Variants in FEZ1 observed in about 807,000 individuals in gnomAD.
The protein encoded by FEZ1 is fasciculation and elongation protein zeta-1.
A neutral mutation model predicts 49.3 loss-of-function variants in FEZ1; 20 were observed. That is an observed-to-expected ratio of 0.41 (90% CI 0.29 to 0.59). The LOEUF (loss-of-function observed/expected upper bound fraction) is 0.59. Ranked by LOEUF, FEZ1 falls within the 20% of genes least tolerant of loss-of-function variation. The probability of loss-of-function intolerance (pLI) is 0.36; values close to 1 mark genes in which losing one functional copy is unlikely to be tolerated. For synonymous variants in FEZ1, 170 were observed against 180.9 expected, an observed-to-expected ratio of 0.94 and a Z score of 0.48; for missense variants, 413 against 476.0, an observed-to-expected ratio of 0.87 and a Z score of 1.23.
At chr11:125,483,849 C>T (rs1174211738) in intron 2 of FEZ1, among the ~76,000 whole-genome samples, 2 of 152,206 alleles carry the variant, frequency 1.3e-5, no homozygotes, top group African/African-American at 2.4e-5. Context: ...TATTTACATC[C>T]TTAAAGTGAT....
rs1957356227 is a variant in FEZ1, at chr11:125,489,124, A to AT, written c.311+342dup. 2 of 1,006,606 alleles carry AT rather than the reference A, an allele frequency of 2.0e-6. No homozygotes were observed. The highest frequency in any genetic ancestry group is 1.2e-6 in the Non-Finnish European group (1 of 844,606). The allele number at this position is 1,006,606 out of a possible 1,614,324, so 62.4% of individuals were successfully genotyped here. ...TAGATTCATCCATCATGGTTAATTA[A>AT]TTTTTTCTGGCCTTTATTTCTAATA... On this transcript the variant is annotated intron_variant, in intron 2 of 9. Coordinates refer to ENST00000278919, the MANE Select transcript of FEZ1 (RefSeq NM_005103.5). The surrounding 1 kb of genome is among the most constrained non-coding windows in gnomAD (Gnocchi z 4.2).
chr11:125,488,699 CA>C (rs1957352634), intron 2 of FEZ1: 1 of 982,496 alleles, frequency 1.0e-6, no homozygotes, highest in Admixed American at 6.2e-5. Flanking sequence ...CAAAACAAAA[CA>C]AAACAAAAAA....
intron 1 of FEZ1, among the ~76,000 whole-genome samples, chr11:125,490,710 T>A (rs1486422048): frequency 1.3e-5 from 2 of 151,632 alleles, no homozygotes; most frequent in East Asian, 1.9e-4. Flanking sequence ...TTTATTTTTT[T>A]AAAAAAACTA....
chr11:125,470,364 G>A (rs1336217603), intron 3 of FEZ1, among the ~76,000 whole-genome samples: 1 of 152,184 alleles, frequency 6.6e-6, no homozygotes, highest in African/African-American at 2.4e-5. Flanking sequence ...TCGAGCTGAA[G>A]GCTGAGAAAG....
intron 4 of FEZ1, 58 bp from the exon 5 acceptor site, chr11:125,460,724 C>A: frequency 6.6e-7 from 1 of 1,516,082 alleles, no homozygotes; most frequent in South Asian, 1.2e-5. Flanking sequence ...GGCATTCTGG[C>A]TTGAATTTTG....
At chr11:125,457,029 CAAAA>C in intron 5 of FEZ1, among the ~76,000 whole-genome samples, 1 of 150,242 alleles carries the variant, frequency 6.7e-6, no homozygotes, top group African/African-American at 2.5e-5. Flanking sequence ...ACTTAAAATA[CAAAA>C]TTAGCCAGGC....
In FEZ1 at chr11:125,489,801, G is replaced by C; in HGVS notation, c.-24C>G. ...ATTCTTGCTCAGCAGGAGAACAACAGCGACTTTCAGGATGAGTTTATCTAA... is the reference window on the plus strand; with the variant it reads ...ATTCTTGCTCAGCAGGAGAACAACACCGACTTTCAGGATGAGTTTATCTAA... On this transcript the variant is annotated 5_prime_UTR_variant, in exon 2 of 10. Transcript: ENST00000278919. The surrounding 1 kb of genome is among the most constrained non-coding windows in gnomAD (Gnocchi z 4.2). The C allele has an allele frequency of 1.3e-6, 2 of 1,518,084 alleles. No individual in the cohort carries two copies. Among genetic ancestry groups the C allele is most frequent in the Non-Finnish European group, 1.8e-6 (2 of 1,135,298 alleles). The allele number at this position is 1,518,084 out of a possible 1,614,324, so 94.0% of individuals were successfully genotyped here.
chr11:125,458,223 C>T (rs958904248), intron 5 of FEZ1, among the ~76,000 whole-genome samples: 19 of 152,202 alleles, frequency 1.2e-4, no homozygotes, highest in African/African-American at 4.3e-4. Context: ...CCTTTGAACC[C>T]TGACCAACCC....
At chr11:125,459,967 G>A (rs760160413) in intron 5 of FEZ1, among the ~76,000 whole-genome samples, 1 of 151,932 alleles carries the variant, frequency 6.6e-6, no homozygotes, top group Non-Finnish European at 1.5e-5. Context: ...GTGGTGGCAC[G>A]TGCCTGTAGT....
At chr11:125,447,408 G>GT (rs1285716861) in intron 9 of FEZ1, among the ~76,000 whole-genome samples, 1 of 152,234 alleles carries the variant, frequency 6.6e-6, no homozygotes, top group East Asian at 1.9e-4. Flanking sequence ...TCAAAGAGAT[G>GT]TAAGAGACAT....
chr11:125,481,563 C>A lies in FEZ1; in HGVS notation c.382G>T (p.Ala128Ser), dbSNP rs769973779. The change falls in exon 3 of 10, where the codon GCT becomes TCT. Residue 128 changes from alanine to serine, a missense_variant. Transcript: ENST00000278919. ...SEDWRDPNIE[A>S]LNGNCSDTEI... Reference sequence around the variant, plus strand: ...GTGTCAGAGCAGTTGCCATTCAGAGCCTCGATGTTTGGATCCCTCCAGTCT... The same window carrying A: ...GTGTCAGAGCAGTTGCCATTCAGAGACTCGATGTTTGGATCCCTCCAGTCT... 28 of 1,613,124 alleles carry A rather than the reference C, an allele frequency of 1.7e-5. No homozygotes were observed. Among genetic ancestry groups the A allele is most frequent in the Non-Finnish European group, 2.4e-5 (28 of 1,179,218 alleles).
chr11:125,463,287 CAG>C (rs1957092904), intron 4 of FEZ1, 195 bp downstream of exon 4: 1 of 376,560 alleles, frequency 2.7e-6, no homozygotes. Flanking sequence ...GCCTGGGCAA[CAG>C]AGCAAGACTC....
intron 1 of FEZ1, among the ~76,000 whole-genome samples, chr11:125,493,984 T>C (rs530770048): frequency 2.6e-4 from 40 of 152,288 alleles, no homozygotes; most frequent in African/African-American, 9.4e-4. Context: ...AGGCAGAGTG[T>C]AGAGAAAATG....
Position 125,489,033 on chromosome 11 carries a change from GGGGCTGTCAAAA to G in FEZ1, c.311+422_311+433del. 1.0e-6 allele frequency: 1 copy of G among 986,610 alleles called. No individual in the cohort carries two copies. Among genetic ancestry groups the G allele is most frequent in the Non-Finnish European group, 1.2e-6 (1 of 830,866 alleles). The allele number at this position is 986,610 out of a possible 1,614,324, so 61.1% of individuals were successfully genotyped here. A position where few individuals can be genotyped will look rare whatever the true frequency, so the allele number is the denominator to read the frequency against. The stretch of plus-strand genomic sequence containing the variant: ...TCTGTAGATAACTCTCCAGGCCTGA[GGGGCTGTCAAAA>G]ATTCGGGATTTTCAAAATTCTGGTG... On this transcript the variant is annotated intron_variant, in intron 2 of 9. Coordinates refer to ENST00000278919, the MANE Select transcript of FEZ1 (RefSeq NM_005103.5). The surrounding 1 kb of genome is among the most constrained non-coding windows in gnomAD (Gnocchi z 4.2).
chr11:125,493,414 GAAAGAAAGAAGGA>G (rs1957410815), intron 1 of FEZ1, among the ~76,000 whole-genome samples: 1 of 71,546 alleles, frequency 1.4e-5, no homozygotes, highest in African/African-American at 7.1e-5. Context: ...AAGAAAGAAA[GAAAGAAAGAAGGA>G]AAGAAGGAAA....
intron 3 of FEZ1, among the ~76,000 whole-genome samples, chr11:125,479,564 T>C (rs978753143): frequency 6.6e-6 from 1 of 152,222 alleles, no homozygotes; most frequent in African/African-American, 2.4e-5. Context: ...CAAATTTATA[T>C]GCTAAAATCC....
Position 125,482,492 on chromosome 11 carries a change from CCTTAA to C in FEZ1, c.312-864_312-860del, listed in dbSNP as rs1183567350. On this transcript the variant is annotated intron_variant, in intron 2 of 9. Coordinates refer to ENST00000278919, the MANE Select transcript of FEZ1 (RefSeq NM_005103.5). The stretch of plus-strand genomic sequence containing the variant: ...AGAAAGGATTTCTACAATTCTTATT[CCTTAA>C]CTTATTTCAGAAAGATTTCTTACAA... Among the ~76,000 whole-genome samples, 5 of 152,210 alleles carry C rather than the reference CCTTAA, an allele frequency of 3.3e-5. No individual in the cohort carries two copies. The East Asian group carries it at 7.7e-4, about 24-fold the overall frequency.
In FEZ1 at chr11:125,473,292, G is replaced by A. The variant is rs556905146; in HGVS notation, c.411+8242C>T. Among the ~76,000 whole-genome samples the A allele has an allele frequency of 2.6e-5, 4 of 152,278 alleles. No individual in the cohort carries two copies. In the South Asian group the frequency reaches 8.3e-4, roughly 32 times the overall value. ...ACAAAGATGCCAAAACAATTTAATG[G>A]GGAAGGAATAAGATTTTCAATGAAT... On this transcript the variant is annotated intron_variant, in intron 3 of 9. Transcript: ENST00000278919.
rs375922411 is a variant in FEZ1 at position 125,454,092 on chromosome 11, T to C, written c.1020+38A>G. ...TGCTGGGGAGGCCAAGCTGCAGGAGTCTAGGAAGAGAGCTTGGAGCAGGGA... is the reference window on the plus strand; with the variant it reads ...TGCTGGGGAGGCCAAGCTGCAGGAGCCTAGGAAGAGAGCTTGGAGCAGGGA... On this transcript the variant is annotated intron_variant, in intron 7 of 9. Coordinates refer to ENST00000278919, the MANE Select transcript of FEZ1 (RefSeq NM_005103.5). 258 of 1,500,818 alleles carry C rather than the reference T, an allele frequency of 1.7e-4. 1 individual carries two copies. The Middle Eastern group carries it at 3.5e-3, about 20-fold the overall frequency. The allele number at this position is 1,500,818 out of a possible 1,614,324, so 93.0% of individuals were successfully genotyped here.
Sources: gnomAD v4.1 joint callset for allele counts (sites outside exome capture counted in the v4.1 genomes callset) on GRCh38, gnomAD v4.1.1 for gene constraint, Gnocchi (gnomAD v3.1) non-coding constraint, MANE v1.5 for transcripts, NCBI Gene and HGNC (gene_info 2026-07-23, HGNC 2026-07-21) for gene names.